Variants in KANK1 observed in about 807,000 individuals in gnomAD.
KANK1 encodes KN motif and ankyrin repeat domains 1.
Under a neutral mutation model 106.2 loss-of-function variants are expected in KANK1, and 109 were observed. That is an observed-to-expected ratio of 1.03 (90% CI 0.88 to 1.20). The LOEUF is 1.20. KANK1 is among the 50% of genes most tolerant of loss of function. KANK1 has a pLI of 0.00. For synonymous variants in KANK1, 873 were observed against 652.2 expected, an observed-to-expected ratio of 1.34 and a Z score of -5.16; for missense variants, 2,399 against 1,710.7, an observed-to-expected ratio of 1.40 and a Z score of -7.10.
intron 2 of KANK1, chr9:706,956 G>A: frequency 3.0e-6 from 3 of 985,494 alleles, no homozygotes; most frequent in Non-Finnish European, 3.6e-6. Flanking sequence ...CTGGCAAAGC[G>A]GGAGTGAAGA....
At chr9:540,807 A>G (rs2060554067) in intron 1 of KANK1, 1 of 152,156 alleles carries the variant, frequency 6.6e-6, no homozygotes, top group African/African-American at 2.4e-5. Context: ...TGGTTGGCAT[A>G]TATTTGTCTA....
chr9:554,911 G>A (rs2061490767), intron 1 of KANK1, among the ~76,000 whole-genome samples: 1 of 152,108 alleles, frequency 6.6e-6, no homozygotes, highest in Admixed American at 6.5e-5. Context: ...AAGCACCATG[G>A]GCAAGTATTC....
At chr9:530,727 G>A (rs764659999) in intron 1 of KANK1, among the ~76,000 whole-genome samples, 12 of 152,216 alleles carry the variant, frequency 7.9e-5, no homozygotes, top group Non-Finnish European at 1.3e-4. Context: ...GGTGGCTCAT[G>A]CCTATAATCC....
intron 10 of KANK1, among the ~76,000 whole-genome samples, 198 bp downstream of exon 10, chr9:742,603 T>C (rs1195492515): frequency 6.6e-6 from 1 of 152,034 alleles, no homozygotes; most frequent in Non-Finnish European, 1.5e-5. Flanking sequence ...GCTCATAAAC[T>C]AGTACCCAAA....
At chr9:668,361 T>TC (rs397821045) in intron 1 of KANK1, among the ~76,000 whole-genome samples, 44 of 151,880 alleles carry the variant, frequency 2.9e-4, no homozygotes, top group African/African-American at 9.9e-4. Flanking sequence ...TCTCTCTCTC[T>TC]TTGTATCTAT....
chr9:533,998 C>A (rs1211314960), intron 1 of KANK1, among the ~76,000 whole-genome samples: 2 of 152,136 alleles, frequency 1.3e-5, no homozygotes, highest in Non-Finnish European at 2.9e-5. Flanking sequence ...TGTAAGTCAC[C>A]CAGACTTTTT....
intron 2 of KANK1, among the ~76,000 whole-genome samples, chr9:471,130 C>T (rs1042995802): frequency 1.3e-5 from 2 of 152,192 alleles, no homozygotes; most frequent in Admixed American, 6.5e-5. Flanking sequence ...GTTGTTACTG[C>T]TGGGCACCTG....
intron 3 of KANK1, among the ~76,000 whole-genome samples, chr9:724,007 G>T (rs982680615): frequency 6.6e-6 from 1 of 151,880 alleles, no homozygotes; most frequent in African/African-American, 2.4e-5. Flanking sequence ...GGGGGCTGAG[G>T]TGGGAGGATT....
chr9:719,772 G>A (rs909619167), intron 3 of KANK1, among the ~76,000 whole-genome samples: 1 of 151,878 alleles, frequency 6.6e-6, no homozygotes, highest in African/African-American at 2.4e-5. Context: ...AAGAGATGGG[G>A]TCTTGCTTTG....
At chr9:740,987 G>T (rs1430926050) in intron 9 of KANK1, 53 bp downstream of exon 9, 3 of 1,596,186 alleles carry the variant, frequency 1.9e-6, no homozygotes, top group Non-Finnish European at 2.6e-6. Context: ...CAGCAGACAG[G>T]ACTGCGGTGG....
At chr9:743,702 CA>C (rs199588404) in intron 10 of KANK1, among the ~76,000 whole-genome samples, 9 of 148,474 alleles carry the variant, frequency 6.1e-5, no homozygotes, top group East Asian at 3.9e-4. Flanking sequence ...CCCATCTCTA[CA>C]AAAAAAAAAT....
At position 521,308 on chromosome 9, in the gene KANK1, T is replaced by C. The variant is rs1015155675; in HGVS notation, c.-84+16554T>C. On this transcript the variant is annotated intron_variant, in intron 1 of 11. Transcript: ENST00000382297. ...TCCTTTTTATGAGGTGTGGGGGCCA[T>C]CTACTTAGGCAAGAGTCTTAGGTAG... Among the ~76,000 whole-genome samples, 10 of 151,592 alleles carry C rather than the reference T, an allele frequency of 6.6e-5. No homozygotes were observed. In the East Asian group the frequency reaches 9.6e-4, roughly 15 times the overall value.
chr9:738,150 G>A (rs1834285879), intron 7 of KANK1, 135 bp from the exon 8 acceptor site: 4 of 671,438 alleles, frequency 6.0e-6, no homozygotes, highest in Non-Finnish European at 7.6e-6. Flanking sequence ...TTCTCTTAGG[G>A]CTGTTGGTTT....
chr9:738,644 G>A (rs1834468422), intron 8 of KANK1, 140 bp downstream of exon 8: 2 of 674,590 alleles, frequency 3.0e-6, no homozygotes, highest in Non-Finnish European at 5.1e-6. Flanking sequence ...GACATGGCAA[G>A]AATTTTCTTG....
intron 1 of KANK1, among the ~76,000 whole-genome samples, chr9:556,622 C>G (rs757374462): frequency 1.3e-4 from 20 of 152,160 alleles, no homozygotes; most frequent in Non-Finnish European, 2.6e-4. Context: ...AGCTAAAGTC[C>G]TTGTTCCATT....
Position 734,679 on chromosome 9 carries a change from G to T in KANK1, c.3246-69G>T, listed in dbSNP as rs10429625. 0.49 allele frequency: 566,712 copies of T among 1,163,770 alleles called. 145,854 individuals are homozygous for T. The highest frequency in any genetic ancestry group is 0.54 in the Non-Finnish European group (427,564 of 787,798). 72.1% of individuals were successfully genotyped at this position (1,163,770 alleles called of 1,614,324 possible). A position where few individuals can be genotyped will look rare whatever the true frequency, so the allele number is the denominator to read the frequency against. ...TGACCCTGTCTCAAAAAAAAAATTA[G>T]ATATTTGGGTTGAAATAAAAATGAT... is the stretch of plus-strand genomic sequence containing the variant. On this transcript the variant is annotated intron_variant, in intron 6 of 11. Coordinates refer to ENST00000382297, the MANE Select transcript of KANK1 (RefSeq NM_015158.5).
intron 1 of KANK1, among the ~76,000 whole-genome samples, chr9:508,725 TAGTTC>T (rs2058891147): frequency 1.4e-5 from 2 of 147,548 alleles, no homozygotes; most frequent in Non-Finnish European, 2.9e-5. Context: ...CTTGTGGCTG[TAGTTC>T]AGTTATTTTC....
At chr9:552,077 G>GT (rs1490264195) in intron 1 of KANK1, among the ~76,000 whole-genome samples, 1 of 152,032 alleles carries the variant, frequency 6.6e-6, no homozygotes, top group East Asian at 1.9e-4. Context: ...AAGGGAGCAT[G>GT]TAACAGTAGG....
chr9:602,947 G>T (rs79217760), intron 1 of KANK1, among the ~76,000 whole-genome samples: 7 of 151,764 alleles, frequency 4.6e-5, no homozygotes, highest in African/African-American at 1.7e-4. Flanking sequence ...CACATTCCAC[G>T]TGTGGCTGAT....
Sources: gnomAD v4.1 joint callset for allele counts (sites outside exome capture counted in the v4.1 genomes callset) on GRCh38, gnomAD v4.1.1 for gene constraint, MANE v1.5 for transcripts, NCBI Gene and HGNC (gene_info 2026-07-23, HGNC 2026-07-21) for gene names.